Variants in DHRS7B observed in about 807,000 individuals in gnomAD.
DHRS7B encodes dehydrogenase/reductase 7B.
DHRS7B carries 24 observed loss-of-function variants against 26.4 expected under a neutral mutation model. That is an observed-to-expected ratio of 0.91 (90% CI 0.66 to 1.28). The LOEUF is 1.28. Among genes scored for constraint, DHRS7B ranks in the 50% most tolerant of loss-of-function variants. The pLI, the probability that DHRS7B is intolerant of heterozygous loss-of-function variation, is 0.00. For synonymous variants in DHRS7B, 142 were observed against 166.4 expected (o/e 0.85, Z 1.13); for missense variants, 368 against 419.4 (o/e 0.88, Z 1.07).
chr17:21,142,597 C>T (rs1303474418), intron 1 of DHRS7B, among the ~76,000 whole-genome samples: 1 of 152,104 alleles, frequency 6.6e-6, no homozygotes, highest in Non-Finnish European at 1.5e-5. Flanking sequence ...AGACATGAGA[C>T]ATCAATCAGT....
At chr17:21,134,568 G>T (rs1030930727) in intron 1 of DHRS7B, among the ~76,000 whole-genome samples, 1 of 152,140 alleles carries the variant, frequency 6.6e-6, no homozygotes, top group African/African-American at 2.4e-5. Flanking sequence ...TATATGTCAC[G>T]TTTGATTCCT....
intron 1 of DHRS7B, among the ~76,000 whole-genome samples, chr17:21,142,730 G>T (rs1165933041): frequency 6.6e-6 from 1 of 151,868 alleles, no homozygotes; most frequent in East Asian, 1.9e-4. Context: ...CAGGTCACAG[G>T]TAGGTGAGAG....
rs560997040 is a variant in DHRS7B, at chr17:21,187,353, C to T, written c.620-1358C>T. ...AAAAAACAAAACAGAAGGCCGGGTG[C>T]GGTGGCTCACGCCTGTAATCCCAGC... On this transcript the variant is annotated intron_variant, in intron 5 of 6. Coordinates refer to ENST00000395511, the MANE Select transcript of DHRS7B (RefSeq NM_015510.5). Among the ~76,000 whole-genome samples the T allele has an allele frequency of 4.0e-5, 6 of 151,454 alleles. No individual in the cohort carries two copies. The East Asian group carries it at 7.8e-4, about 20-fold the overall frequency.
chr17:21,180,829 A>ATGAATTTTAGGATTATTTTTTTCTG (rs1974501014), intron 3 of DHRS7B, among the ~76,000 whole-genome samples: 1 of 152,162 alleles, frequency 6.6e-6, no homozygotes, highest in African/African-American at 2.4e-5. Flanking sequence ...GTAATCCCAT[A>ATGAATTTTAGGATTATTTTTTTCTG]TTTGTGCAAA....
At chr17:21,136,920 C>A (rs184725720) in intron 1 of DHRS7B, among the ~76,000 whole-genome samples, 1 of 151,950 alleles carries the variant, frequency 6.6e-6, no homozygotes, top group East Asian at 1.9e-4. Context: ...AATAATATGG[C>A]AACTTGGTCA....
At chr17:21,168,616 A>G (rs1770081808) in intron 1 of DHRS7B, 2 of 593,626 alleles carry the variant, frequency 3.4e-6, no homozygotes, top group Non-Finnish European at 4.2e-6. Context: ...CGATCCCCCT[A>G]CCTCAGCCTC....
At chr17:21,152,637 A>T (rs909876289) in intron 1 of DHRS7B, among the ~76,000 whole-genome samples, 3 of 152,226 alleles carry the variant, frequency 2.0e-5, no homozygotes, top group Non-Finnish European at 4.4e-5. Context: ...AGGGGAAAAA[A>T]AATCATCACT....
At position 21,187,611 on chromosome 17, in the gene DHRS7B, G is replaced by A. The variant is rs1169471411; in HGVS notation, c.620-1100G>A. On this transcript the variant is annotated intron_variant, in intron 5 of 6. Coordinates refer to ENST00000395511, the MANE Select transcript of DHRS7B (RefSeq NM_015510.5). ...ACTGCACTCCAGCACTCCCGCCTGGGTGGCAGAGCGAGACTCTGTCTCAAA... is the reference window on the plus strand; with the variant it reads ...ACTGCACTCCAGCACTCCCGCCTGGATGGCAGAGCGAGACTCTGTCTCAAA... Among the ~76,000 whole-genome samples, 3 of 146,392 alleles carry A rather than the reference G, an allele frequency of 2.0e-5. No homozygotes were observed. The East Asian group carries it at 6.0e-4, about 29-fold the overall frequency.
At chr17:21,178,381 G>A (rs1367120455) in intron 3 of DHRS7B, 39 bp downstream of exon 3, 1 of 1,560,464 alleles carries the variant, frequency 6.4e-7, no homozygotes, top group Non-Finnish European at 8.8e-7. Context: ...AAGGAGTGCA[G>A]GCCGTCTTCT....
chr17:21,168,900 G>C (rs1974173707), intron 1 of DHRS7B: 2 of 985,344 alleles, frequency 2.0e-6, no homozygotes, highest in Non-Finnish European at 2.4e-6. Context: ...ACGGTGTGTA[G>C]TTTTCGCTCT....
chr17:21,168,903 T>C, intron 1 of DHRS7B: 1 of 985,468 alleles, frequency 1.0e-6, no homozygotes, highest in Non-Finnish European at 1.2e-6. Flanking sequence ...GTGTGTAGTT[T>C]TCGCTCTTTT....
At chr17:21,135,284 A>G (rs1356321656) in intron 1 of DHRS7B, among the ~76,000 whole-genome samples, 3 of 152,230 alleles carry the variant, frequency 2.0e-5, no homozygotes, top group African/African-American at 7.2e-5. Context: ...ACACCATTTC[A>G]TATTTGACAA....
rs118026114 is a variant in DHRS7B, at chr17:21,141,177, G to A, written c.20+14186G>A. On this transcript the variant is annotated intron_variant, in intron 1 of 6. Coordinates refer to ENST00000395511, the MANE Select transcript of DHRS7B (RefSeq NM_015510.5). ...CCTGCTGCATGTCATTGTCGGGGGC[G>A]GAACTTAACCCCCAGACACCCCCAG... 1.6e-4 allele frequency among the ~76,000 whole-genome samples: 24 copies of A among 152,160 alleles called. No individual in the cohort carries two copies. The East Asian group carries it at 2.5e-3, about 16-fold the overall frequency.
intron 1 of DHRS7B, among the ~76,000 whole-genome samples, chr17:21,164,402 A>G (rs1272309772): frequency 1.3e-5 from 2 of 152,138 alleles, no homozygotes; most frequent in Non-Finnish European, 2.9e-5. Flanking sequence ...ACGCTGTAGC[A>G]TCTCCTTTTA....
At chr17:21,145,206 C>T (rs1973615676) in intron 1 of DHRS7B, among the ~76,000 whole-genome samples, 1 of 152,038 alleles carries the variant, frequency 6.6e-6, no homozygotes, top group Admixed American at 6.6e-5. Flanking sequence ...TGCCTGTAGT[C>T]CCAGCTACTC....
At chr17:21,142,417 C>T (rs1973537682) in intron 1 of DHRS7B, among the ~76,000 whole-genome samples, 1 of 152,154 alleles carries the variant, frequency 6.6e-6, no homozygotes, top group Admixed American at 6.5e-5. Flanking sequence ...ACCGGGCTAC[C>T]TGTCTTTAGT....
At chr17:21,137,699 C>T (rs1486150030) in intron 1 of DHRS7B, among the ~76,000 whole-genome samples, 7 of 151,928 alleles carry the variant, frequency 4.6e-5, no homozygotes, top group East Asian at 1.9e-4. Context: ...TCAGGTGATC[C>T]GACTGCCTCG....
At chr17:21,132,761 A>T (rs1973267318) in intron 1 of DHRS7B, among the ~76,000 whole-genome samples, 3 of 152,208 alleles carry the variant, frequency 2.0e-5, no homozygotes, top group African/African-American at 7.2e-5. Flanking sequence ...CATTTAGGCT[A>T]AACTTAAAAT....
chr17:21,127,071 T>C, intron 1 of DHRS7B, 80 bp downstream of exon 1: 1 of 1,406,224 alleles, frequency 7.1e-7, no homozygotes, highest in South Asian at 1.5e-5. Flanking sequence ...CCGGCTTGGG[T>C]GAGGGGAAGC....
Sources: allele counts gnomAD v4.1 joint callset (sites outside exome capture counted in the v4.1 genomes callset), GRCh38; gene constraint gnomAD v4.1.1; transcripts MANE v1.5; gene names NCBI Gene and HGNC (gene_info 2026-07-23, HGNC 2026-07-21).